CAPRIN2: variants seen among roughly 807,000 people sequenced by gnomAD.
The protein encoded by CAPRIN2 is caprin family member 2, also known as caprin-2.
Under a neutral mutation model 130.4 loss-of-function variants are expected in CAPRIN2, and 66 were observed. The observed-to-expected ratio is 0.51, with a 90% confidence interval of 0.42 to 0.62. CAPRIN2 has a LOEUF of 0.62. Among genes scored for constraint, CAPRIN2 ranks in the 20% least tolerant of loss-of-function variants. The pLI, the probability that CAPRIN2 is intolerant of heterozygous loss-of-function variation, is 0.00. For synonymous variants in CAPRIN2, 471 were observed against 444.1 expected, an observed-to-expected ratio of 1.06 and a Z score of -0.76; for missense variants, 1,185 against 1,246.6, an observed-to-expected ratio of 0.95 and a Z score of 0.74.
chr12:30,741,202 T>A (rs1184649852), intron 2 of CAPRIN2, 96 bp from the exon 4 acceptor site: 1 of 654,598 alleles, frequency 1.5e-6, no homozygotes, highest in East Asian at 3.0e-5. Flanking sequence ...AGATTTAAGA[T>A]CTTATGGCTA....
intron 13 of CAPRIN2, 58 bp downstream of exon 15, chr12:30,716,450 T>C (rs1248654864): frequency 2.7e-6 from 4 of 1,466,858 alleles, no homozygotes; most frequent in Non-Finnish European, 3.8e-6. Flanking sequence ...CTAGACTTGC[T>C]GTCCATTCAA....
intron 10 of CAPRIN2, 129 bp from the exon 12 acceptor site, chr12:30,723,443 C>A: frequency 1.6e-6 from 1 of 628,510 alleles, no homozygotes; most frequent in Admixed American, 2.8e-5. Context: ...TCAAGTTCAT[C>A]ATGCACTTTC....
At position 30,753,354 on chromosome 12, in the gene CAPRIN2, T is replaced by G; in HGVS notation, c.410A>C (p.Glu137Ala). Residue 137 changes from glutamate to alanine, a missense_variant, in exon 1 of 17, where the codon GAG (glutamate) becomes GCG (alanine). Coordinates refer to ENST00000298892, the Ensembl canonical transcript of CAPRIN2. Reference sequence around the variant, plus strand: ...AAGAAAAAAAGTTACCTTCTTTTTCTCGATGTTTCTAATTTTGTGTTTAAG... The same window carrying G: ...AAGAAAAAAAGTTACCTTCTTTTTCGCGATGTTTCTAATTTTGTGTTTAAG... 4 of 1,604,136 alleles carry G rather than the reference T, an allele frequency of 2.5e-6. No individual in the cohort carries two copies. The South Asian group carries it at 4.4e-5, about 18-fold the overall frequency.
exon 13 of CAPRIN2, chr12:30,716,651 G>A: frequency 6.2e-7 from 1 of 1,613,886 alleles, no homozygotes; most frequent in Non-Finnish European, 8.5e-7. Context: ...TTTTCGTGGA[G>A]GCAGAGGTGC....
Position 30,743,551 on chromosome 12 carries a change from T to C in CAPRIN2, c.484-2445A>G, listed in dbSNP as rs547708471. Reference sequence around the variant, plus strand: ...CTCTACAGACATTTCTTGTTTTTACTAACACTGAACTTCCATTTTTCTCCC... The same window carrying C: ...CTCTACAGACATTTCTTGTTTTTACCAACACTGAACTTCCATTTTTCTCCC... On this transcript the variant is annotated intron_variant, in intron 2 of 16. Coordinates refer to ENST00000298892, the Ensembl canonical transcript of CAPRIN2. Among the ~76,000 whole-genome samples the C allele has an allele frequency of 1.1e-4, 16 of 152,308 alleles. No homozygotes were observed. In the South Asian group the frequency reaches 2.9e-3, roughly 28 times the overall value.
At position 30,719,161 on chromosome 12, in the gene CAPRIN2, C is replaced by T. The variant is rs760322827; in HGVS notation, c.2148+1650G>A. On this transcript the variant is annotated intron_variant, in intron 12 of 16. Transcript: ENST00000298892. ...AGGTGACTGGAAGCCCTGTTCAGAG[C>T]CCTTTGCCATGGGAGGATTTGGAGA... The T allele has an allele frequency of 4.3e-6, 7 of 1,614,050 alleles. No individual in the cohort carries two copies. In the South Asian group the frequency reaches 4.4e-5, roughly 10 times the overall value.
chr12:30,716,724 A>G (rs879132093), intron 12 of CAPRIN2, 48 bp from the exon 15 acceptor site: 6 of 1,577,150 alleles, frequency 3.8e-6, no homozygotes, highest in South Asian at 3.4e-5. Flanking sequence ...TTCAAAGAAA[A>G]TGCTTAAGGG....
At chr12:30,719,445 TA>T (rs2058690165) in intron 12 of CAPRIN2, 3 of 530,600 alleles carry the variant, frequency 5.7e-6, no homozygotes, top group Non-Finnish European at 1.0e-5. Flanking sequence ...GAAAGAGTCT[TA>T]CCAATAATCA....
intron 10 of CAPRIN2, among the ~76,000 whole-genome samples, chr12:30,724,041 C>T (rs1269915341): frequency 6.6e-6 from 1 of 152,176 alleles, no homozygotes; most frequent in Non-Finnish European, 1.5e-5. Context: ...GACCCAAAAG[C>T]CTCAACACTA....
At chr12:30,728,416 G>A (rs6487936) in intron 8 of CAPRIN2, 129,697 of 424,242 alleles carry the variant, frequency 0.31, 20,648 homozygotes, top group Middle Eastern at 0.34. Flanking sequence ...TTAGCCAGGT[G>A]TGGTGGCATG....
At chr12:30,714,991 G>T (rs1427031352) in exon 14 of CAPRIN2, 4 of 1,613,810 alleles carry the variant, frequency 2.5e-6, no homozygotes, top group Non-Finnish European at 3.4e-6. Context: ...ATAGGAATTG[G>T]TTATTAATCT....
At chr12:30,729,398 G>A in intron 7 of CAPRIN2, 73 bp from the exon 9 acceptor site, 2 of 1,019,344 alleles carry the variant, frequency 2.0e-6, no homozygotes, top group Non-Finnish European at 2.9e-6. Context: ...AACTCTATTA[G>A]TATTGCTATG....
Position 30,719,242 on chromosome 12 carries a change from C to A in CAPRIN2, c.2148+1569G>T, listed in dbSNP as rs1184333813. On this transcript the variant is annotated intron_variant, in intron 12 of 16. Coordinates refer to ENST00000298892, the Ensembl canonical transcript of CAPRIN2. ...AATTGCTGCCTGGGGAGGAGAAATG[C>A]AGCATCAGCCAATCACCTGCCATAT... The A allele has an allele frequency of 1.3e-5, 21 of 1,612,988 alleles. No homozygotes were observed. The highest frequency in any genetic ancestry group is 1.7e-5 in the Non-Finnish European group (20 of 1,179,326).
exon 10 of CAPRIN2, chr12:30,724,436 A>G: frequency 3.1e-6 from 5 of 1,609,870 alleles, no homozygotes; most frequent in Non-Finnish European, 4.3e-6. Flanking sequence ...GGTTTGTCAA[A>G]GTCAAGAACA....
intron 5 of CAPRIN2, among the ~76,000 whole-genome samples, chr12:30,732,964 A>T (rs1480241101): frequency 1.3e-5 from 2 of 152,128 alleles, no homozygotes; most frequent in African/African-American, 4.8e-5. Flanking sequence ...TAAATTTTTA[A>T]TTTTGATTTA....
intron 15 of CAPRIN2, among the ~76,000 whole-genome samples, chr12:30,712,567 A>T (rs1264072126): frequency 6.6e-6 from 1 of 152,156 alleles, no homozygotes; most frequent in East Asian, 1.9e-4. Context: ...AGTTCATTTA[A>T]TTCTCAGAAT....
chr12:30,738,879 T>C (rs2066050258), intron 3 of CAPRIN2, among the ~76,000 whole-genome samples: 1 of 152,094 alleles, frequency 6.6e-6, no homozygotes, highest in African/African-American at 2.4e-5. Flanking sequence ...GTCAGAATGG[T>C]TATTATTAAA....
In CAPRIN2 at chr12:30,753,648, C is replaced by CT; in HGVS notation, c.115dup (p.Ser39LysfsTer3). On this transcript the variant is annotated frameshift_variant, in exon 1 of 17. Coordinates refer to ENST00000298892, the Ensembl canonical transcript of CAPRIN2. LOFTEE classifies it high-confidence loss of function. ...GGGAAAGTTAAGTATAAAATTAGGACTAGAGGGACACAGCCAGGCAATAAC... is the reference window on the plus strand; with the variant it reads ...GGGAAAGTTAAGTATAAAATTAGGACTTAGAGGGACACAGCCAGGCAATAAC... The CT allele has an allele frequency of 1.2e-6, 2 of 1,614,176 alleles. No homozygotes were observed. Among genetic ancestry groups the CT allele is most frequent in the Non-Finnish European group, 1.7e-6 (2 of 1,180,040 alleles).
At chr12:30,722,420 C>T (rs1261607819) in intron 11 of CAPRIN2, among the ~76,000 whole-genome samples, 4 of 151,566 alleles carry the variant, frequency 2.6e-5, no homozygotes, top group Non-Finnish European at 5.9e-5. Flanking sequence ...ATGCAGCCAT[C>T]CCACAGCCTC....
Sources: allele counts gnomAD v4.1 joint callset (sites outside exome capture counted in the v4.1 genomes callset), GRCh38; gene constraint gnomAD v4.1.1; transcripts MANE v1.5; gene names NCBI Gene and HGNC (gene_info 2026-07-23, HGNC 2026-07-21).